The following UVRAG variants were observed in gnomAD, a reference collection of about 807,000 sequenced individuals.
The protein encoded by UVRAG is UV radiation resistance-associated gene protein.
UVRAG carries 19 observed loss-of-function variants against 78.0 expected under a neutral mutation model. The observed-to-expected ratio is 0.24, with a 90% CI of 0.17 to 0.36. The LOEUF (loss-of-function observed/expected upper bound fraction) is 0.36. Among genes scored for constraint, UVRAG ranks in the 10% least tolerant of loss-of-function variants. The pLI is 1.00. For synonymous variants in UVRAG, 323 were observed against 324.6 expected (o/e 1.00, Z 0.05); for missense variants, 740 against 853.8 (o/e 0.87, Z 1.66).
At chr11:76,049,612 A>G (rs1950824194) in intron 12 of UVRAG, among the ~76,000 whole-genome samples, 1 of 152,222 alleles carries the variant, frequency 6.6e-6, no homozygotes, top group Admixed American at 6.5e-5. Context: ...TAAAAAGCAG[A>G]GGCTTAGAAG....
intron 3 of UVRAG, among the ~76,000 whole-genome samples, chr11:75,866,117 G>GA (rs1277998790): frequency 6.6e-6 from 1 of 151,908 alleles, no homozygotes; most frequent in African/African-American, 2.4e-5. Context: ...AATTACCCGG[G>GA]AAGTTGAGGC....
chr11:75,890,390 GT>G (rs1264776557), intron 5 of UVRAG, among the ~76,000 whole-genome samples: 1 of 152,178 alleles, frequency 6.6e-6, no homozygotes. Context: ...ATTTAAGAAA[GT>G]TTTAGTAGAT....
chr11:75,903,095 T>TTCC (rs949613541), intron 5 of UVRAG, among the ~76,000 whole-genome samples: 2 of 151,130 alleles, frequency 1.3e-5, no homozygotes, highest in Non-Finnish European at 3.0e-5. Context: ...CCTCCCCACC[T>TTCC]TCCTCCTCCT....
chr11:76,042,892 T>C (rs1950676575), intron 12 of UVRAG, among the ~76,000 whole-genome samples: 1 of 152,220 alleles, frequency 6.6e-6, no homozygotes, highest in African/African-American at 2.4e-5. Flanking sequence ...CATCCTGTGA[T>C]CATGAATGGG....
chr11:76,092,499 G>C (rs998816116), intron 13 of UVRAG, among the ~76,000 whole-genome samples: 1 of 152,194 alleles, frequency 6.6e-6, no homozygotes, highest in Non-Finnish European at 1.5e-5. Context: ...TCCAGCACCT[G>C]TTGTTTCCTG....
In UVRAG at chr11:76,115,432, A is replaced by G. The variant is rs147894023; in HGVS notation, c.1306-492A>G. ...TGAATAAGTACCAGCACTATGCCAG[A>G]CACTATTGGAGTCAGAGATGAATAC... On this transcript the variant is annotated intron_variant, in intron 13 of 14. Transcript: ENST00000356136. 3.3e-5 allele frequency among the ~76,000 whole-genome samples: 5 copies of G among 152,356 alleles called. No homozygotes were observed. In the East Asian group the frequency reaches 7.7e-4, roughly 23 times the overall value.
chr11:76,109,565 T>C (rs1521530), intron 13 of UVRAG, among the ~76,000 whole-genome samples: 20,921 of 152,214 alleles, frequency 0.14, 3,719 homozygotes, highest in African/African-American at 0.41. Flanking sequence ...CTCAAAGTTA[T>C]ACACATTATA....
chr11:75,918,122 T>G (rs750788147), intron 6 of UVRAG, among the ~76,000 whole-genome samples: 1 of 151,512 alleles, frequency 6.6e-6, no homozygotes, highest in Non-Finnish European at 1.5e-5. Flanking sequence ...ATCCCAGCAC[T>G]TTGGGAGGCC....
chr11:76,073,471 G>T (rs924642177), intron 13 of UVRAG, among the ~76,000 whole-genome samples: 1 of 152,122 alleles, frequency 6.6e-6, no homozygotes, highest in Non-Finnish European at 1.5e-5. Flanking sequence ...ATTCCAGATC[G>T]CTTGTGTCTG....
At chr11:75,999,163 G>A (rs112392672) in intron 8 of UVRAG, among the ~76,000 whole-genome samples, 12,209 of 150,406 alleles carry the variant, frequency 0.081, 1,057 homozygotes, top group African/African-American at 0.22. Context: ...AACCCAGGAG[G>A]CAGAGGTTGC....
chr11:75,831,815 A>G (rs1002733117), intron 1 of UVRAG, among the ~76,000 whole-genome samples: 2 of 152,224 alleles, frequency 1.3e-5, no homozygotes, highest in East Asian at 3.9e-4. Context: ...TCAAAAGTGC[A>G]TTTAATACAC....
intron 5 of UVRAG, among the ~76,000 whole-genome samples, chr11:75,907,488 G>A (rs1947640439): frequency 1.3e-5 from 2 of 151,738 alleles, no homozygotes; most frequent in African/African-American, 2.4e-5. Flanking sequence ...GTGTTGTGGT[G>A]TATTACACTG....
rs1950655333 is a variant in UVRAG at position 76,041,982 on chromosome 11, T to C, written c.1227-23728T>C. On this transcript the variant is annotated intron_variant, in intron 12 of 14. Transcript: ENST00000356136. Reference sequence around the variant, plus strand: ...AAGAAAAAATACTTCCAAGACTACATGTTGTTCTCTAGGGTTAGCAGTACC... The same window carrying C: ...AAGAAAAAATACTTCCAAGACTACACGTTGTTCTCTAGGGTTAGCAGTACC... Among the ~76,000 whole-genome samples the C allele has an allele frequency of 2.6e-5, 4 of 152,216 alleles. No homozygotes were observed. The South Asian group carries it at 8.3e-4, about 32-fold the overall frequency.
At chr11:75,973,696 A>G (rs906360706) in intron 7 of UVRAG, among the ~76,000 whole-genome samples, 1 of 152,114 alleles carries the variant, frequency 6.6e-6, no homozygotes, top group Non-Finnish European at 1.5e-5. Flanking sequence ...TCCTAATGCT[A>G]TCCCTCCTCC....
At chr11:76,125,282 A>C (rs780752414) in intron 14 of UVRAG, among the ~76,000 whole-genome samples, 2 of 152,228 alleles carry the variant, frequency 1.3e-5, no homozygotes, top group Non-Finnish European at 2.9e-5. Context: ...AGTCAAAAAT[A>C]AGTGAAAAAG....
At chr11:76,051,967 G>A (rs149444771) in intron 12 of UVRAG, among the ~76,000 whole-genome samples, 4 of 152,230 alleles carry the variant, frequency 2.6e-5, no homozygotes, top group Non-Finnish European at 4.4e-5. Flanking sequence ...CTTCAAAGTC[G>A]TCCCTTGCCA....
Position 75,961,461 on chromosome 11 carries a change from G to T in UVRAG, c.611G>T (p.Cys204Phe). 2 of 1,598,040 alleles carry T rather than the reference G, an allele frequency of 1.3e-6. No homozygotes were observed. Among genetic ancestry groups the T allele is most frequent in the Non-Finnish European group, 1.7e-6 (2 of 1,176,360 alleles). ...FSLLRLHRAQCAIKQTQVTVQ... is the reference protein window; with the variant it reads ...FSLLRLHRAQFAIKQTQVTVQ... ...ATTTCTAGGCTTCATAGAGCCCAGTGTGCAATTAAACAGACTCAGGTAACT... is the reference window on the plus strand; with the variant it reads ...ATTTCTAGGCTTCATAGAGCCCAGTTTGCAATTAAACAGACTCAGGTAACT... The change falls in exon 7 of 15, where the codon TGT becomes TTT. Residue 204 changes from cysteine to phenylalanine, a missense_variant. Coordinates refer to ENST00000356136, the MANE Select transcript of UVRAG (RefSeq NM_003369.4).
intron 1 of UVRAG, among the ~76,000 whole-genome samples, chr11:75,828,805 A>ATTTTT (rs1251955061): frequency 1.7e-4 from 17 of 100,264 alleles, no homozygotes; most frequent in South Asian, 3.2e-4. Context: ...ATATATATAT[A>ATTTTT]TTTTTTTTTT....
At chr11:75,902,030 G>A (rs1009701252) in intron 5 of UVRAG, among the ~76,000 whole-genome samples, 1 of 152,236 alleles carries the variant, frequency 6.6e-6, no homozygotes, top group African/African-American at 2.4e-5. Flanking sequence ...TGTAAACTGT[G>A]TGAGGGCAAG....
Sources: gnomAD v4.1 joint callset for allele counts (sites outside exome capture counted in the v4.1 genomes callset) on GRCh38, gnomAD v4.1.1 for gene constraint, MANE v1.5 for transcripts, NCBI Gene and HGNC (gene_info 2026-07-23, HGNC 2026-07-21) for gene names.